Variants in LRP1B observed in about 807,000 individuals in gnomAD.
LRP1B encodes the protein low-density lipoprotein receptor-related protein 1B.
A neutral mutation model predicts 556.6 loss-of-function variants in LRP1B; 217 were observed. The ratio of observed to expected loss-of-function variants is 0.39; its 90% CI spans 0.35 to 0.44. The LOEUF is 0.44. Among genes scored for constraint, LRP1B ranks in the 20% least tolerant of loss-of-function variants. The pLI is 1.00. For missense variants in LRP1B, 5,053 were observed against 5,620.8 expected, an observed-to-expected ratio of 0.90 and a Z score of 3.23; for synonymous variants, 2,047 against 1,865.8, an observed-to-expected ratio of 1.10 and a Z score of -2.50.
chr2:140,928,975 G>A (rs1282463132), intron 20 of LRP1B, among the ~76,000 whole-genome samples: 1 of 152,106 alleles, frequency 6.6e-6, no homozygotes, highest in Non-Finnish European at 1.5e-5. Flanking sequence ...ATCAAAAATT[G>A]TGCTAAGATA....
chr2:141,602,693 C>T (rs1687790951), intron 2 of LRP1B, among the ~76,000 whole-genome samples: 1 of 152,130 alleles, frequency 6.6e-6, no homozygotes, highest in Non-Finnish European at 1.5e-5. Flanking sequence ...GGATACATTG[C>T]TTTCTCCTAA....
rs10189242 is a variant in LRP1B at position 141,138,844 on chromosome 2, G to A, written c.1013+49577C>T. Among the ~76,000 whole-genome samples the A allele has an allele frequency of 4.1e-3, 625 of 151,930 alleles. 4 individuals are homozygous for A. Among genetic ancestry groups the A allele is most frequent in the African/African-American group, 0.012 (508 of 41,524 alleles). Reference sequence around the variant, plus strand: ...TCCTCTAAAGTCGGTCACACTTTCTGTAAATATTGGGAAAATGATTTAAAA... The same window carrying A: ...TCCTCTAAAGTCGGTCACACTTTCTATAAATATTGGGAAAATGATTTAAAA... On this transcript the variant is annotated intron_variant, in intron 7 of 90. Coordinates refer to ENST00000389484, the MANE Select transcript of LRP1B (RefSeq NM_018557.3).
chr2:142,084,965 T>G (rs1705858348), intron 1 of LRP1B, among the ~76,000 whole-genome samples: 1 of 152,226 alleles, frequency 6.6e-6, no homozygotes. Context: ...TAGTCCCTGC[T>G]TACAATCTGT....
At chr2:141,260,132 T>C (rs1168853691) in intron 3 of LRP1B, among the ~76,000 whole-genome samples, 1 of 152,154 alleles carries the variant, frequency 6.6e-6, no homozygotes, top group African/African-American at 2.4e-5. Flanking sequence ...TGGTAAGTTC[T>C]CTCAAATTTT....
In LRP1B at chr2:141,482,137, A is replaced by G. The variant is rs1254497794; in HGVS notation, c.206-1604T>C. ...GCAATGTGATAAAATTAGAAAACAA[A>G]TAAAAGAAAACAAAAATATCATACA... On this transcript the variant is annotated intron_variant, in intron 2 of 90. Coordinates refer to ENST00000389484, the MANE Select transcript of LRP1B (RefSeq NM_018557.3). Among the ~76,000 whole-genome samples, 3 of 152,128 alleles carry G rather than the reference A, an allele frequency of 2.0e-5. No individual in the cohort carries two copies. The East Asian group carries it at 5.8e-4, about 29-fold the overall frequency.
intron 66 of LRP1B, among the ~76,000 whole-genome samples, chr2:140,429,283 T>G (rs1685807067): frequency 6.6e-6 from 1 of 152,192 alleles, no homozygotes; most frequent in Admixed American, 6.5e-5. Flanking sequence ...GATCTGTGCC[T>G]TATCAACCAA....
At chr2:141,450,551 T>TA (rs998719057) in intron 3 of LRP1B, among the ~76,000 whole-genome samples, 1 of 151,322 alleles carries the variant, frequency 6.6e-6, no homozygotes, top group African/African-American at 2.4e-5. Flanking sequence ...ATCCTATTTT[T>TA]AAAAAAATAA....
At chr2:141,379,505 T>C (rs1014385832) in intron 3 of LRP1B, among the ~76,000 whole-genome samples, 1 of 152,180 alleles carries the variant, frequency 6.6e-6, no homozygotes, top group African/African-American at 2.4e-5. Flanking sequence ...AGTTGAGAGA[T>C]GCCTGCACAA....
chr2:141,993,940 T>G (rs1322849900), intron 1 of LRP1B, among the ~76,000 whole-genome samples: 1 of 152,156 alleles, frequency 6.6e-6, no homozygotes, highest in African/African-American at 2.4e-5. Flanking sequence ...CCTCATCTTC[T>G]ACCTTATCAA....
intron 1 of LRP1B, among the ~76,000 whole-genome samples, chr2:141,840,824 C>A (rs1299353678): frequency 3.3e-5 from 5 of 151,958 alleles, no homozygotes. Context: ...AATTGTTATA[C>A]CCAGTCACTA....
chr2:140,693,501 G>A (rs901406485), intron 41 of LRP1B, among the ~76,000 whole-genome samples: 1 of 151,938 alleles, frequency 6.6e-6, no homozygotes, highest in African/African-American at 2.4e-5. Context: ...ATTTTGAATT[G>A]CATTAAATTT....
chr2:140,603,068 A>C (rs1298361258), intron 41 of LRP1B, among the ~76,000 whole-genome samples: 1 of 152,034 alleles, frequency 6.6e-6, no homozygotes, highest in African/African-American at 2.4e-5. Context: ...ACCTCAATCT[A>C]TACCAACCTG....
chr2:141,125,844 C>CAAAAAAAAAA (rs386391362), intron 7 of LRP1B, among the ~76,000 whole-genome samples: 112 of 101,750 alleles, frequency 1.1e-3, no homozygotes, highest in Non-Finnish European at 1.4e-3. Flanking sequence ...CTTTCAAATG[C>CAAAAAAAAAA]AAAAAAAAAA....
At chr2:141,912,504 A>G (rs577692858) in intron 1 of LRP1B, among the ~76,000 whole-genome samples, 1 of 152,268 alleles carries the variant, frequency 6.6e-6, no homozygotes, top group East Asian at 1.9e-4. Flanking sequence ...CACAGGTATG[A>G]GTGAAAAGAA....
chr2:140,350,317 A>C (rs1681899393), intron 77 of LRP1B, among the ~76,000 whole-genome samples: 1 of 152,064 alleles, frequency 6.6e-6, no homozygotes, highest in African/African-American at 2.4e-5. Context: ...TATTTCCTGA[A>C]ATATAGTTAT....
chr2:142,036,765 C>T (rs1703896710), intron 1 of LRP1B, among the ~76,000 whole-genome samples: 1 of 151,644 alleles, frequency 6.6e-6, no homozygotes, highest in Admixed American at 6.6e-5. Context: ...ACTACCTCAG[C>T]AAAGCCTTTG....
At chr2:140,255,083 A>G (rs1681617816) in intron 86 of LRP1B, among the ~76,000 whole-genome samples, 1 of 152,216 alleles carries the variant, frequency 6.6e-6, no homozygotes, top group Admixed American at 6.5e-5. Context: ...TGTTTAAATC[A>G]AGCTTCAGTA....
At chr2:140,637,605 T>A (rs573385664) in intron 41 of LRP1B, among the ~76,000 whole-genome samples, 10 of 152,244 alleles carry the variant, frequency 6.6e-5, no homozygotes, top group African/African-American at 2.2e-4. Flanking sequence ...TATATATAAC[T>A]CAAATTCTCT....
intron 3 of LRP1B, among the ~76,000 whole-genome samples, chr2:141,473,824 T>C (rs75781559): frequency 2.7e-5 from 1 of 36,814 alleles, no homozygotes; most frequent in South Asian, 2.7e-3. Context: ...TGCAACTATA[T>C]ACCTCTTCTC....
Sources: gnomAD v4.1 joint callset for allele counts (sites outside exome capture counted in the v4.1 genomes callset) on GRCh38, gnomAD v4.1.1 for gene constraint, MANE v1.5 for transcripts, NCBI Gene and HGNC (gene_info 2026-07-23, HGNC 2026-07-21) for gene names.